The following FAM149B1 variants were observed in gnomAD, a reference collection of about 807,000 sequenced individuals.
The protein encoded by FAM149B1 is family with sequence similarity 149 member B1, also known as primary cilium assembly protein FAM149B1.
FAM149B1 carries 56 observed loss-of-function variants against 75.3 expected under a neutral mutation model. The observed-to-expected ratio is 0.74, with a 90% CI of 0.60 to 0.93. The LOEUF is 0.93. Ranked by LOEUF, FAM149B1 falls within the 40% of genes least tolerant of loss-of-function variation. The pLI is 0.00. For synonymous variants in FAM149B1, 259 were observed against 256.1 expected (o/e 1.01, Z -0.11); for missense variants, 639 against 708.4 (o/e 0.90, Z 1.11).
intron 3 of FAM149B1, among the ~76,000 whole-genome samples, chr10:73,185,628 A>G (rs1464693093): frequency 6.6e-6 from 1 of 152,226 alleles, no homozygotes; most frequent in African/African-American, 2.4e-5. Flanking sequence ...TTTAAATTCT[A>G]GTAAACTTTA....
chr10:73,178,968 G>GTT (rs1229898405), intron 3 of FAM149B1, among the ~76,000 whole-genome samples: 1 of 151,386 alleles, frequency 6.6e-6, no homozygotes, highest in South Asian at 2.1e-4. Flanking sequence ...TTTATTTCTT[G>GTT]TTTTTTGTTT....
At position 73,243,943 on chromosome 10, in the gene FAM149B1, TCA is replaced by T; in HGVS notation, c.*2927_*2928del. The T allele has an allele frequency of 6.2e-7, 1 of 1,611,708 alleles. No individual in the cohort carries two copies. Among genetic ancestry groups the T allele is most frequent in the African/African-American group, 1.3e-5 (1 of 74,912 alleles). Reference sequence around the variant, plus strand: ...CTCTTCCTGAGCCTGAAACAGGAACTCACATGAGACTCAGGGCCACCAGGAAA... The same window carrying T: ...CTCTTCCTGAGCCTGAAACAGGAACTCATGAGACTCAGGGCCACCAGGAAA... On this transcript the variant is annotated 3_prime_UTR_variant, in exon 14 of 14. Transcript: ENST00000242505.
At chr10:73,199,562 G>A (rs1254399548) in intron 5 of FAM149B1, among the ~76,000 whole-genome samples, 1 of 151,566 alleles carries the variant, frequency 6.6e-6, no homozygotes, top group East Asian at 1.9e-4. Context: ...TAGGAGACAG[G>A]GTCTCACTAT....
intron 3 of FAM149B1, among the ~76,000 whole-genome samples, chr10:73,186,309 A>G (rs2042520321): frequency 6.6e-6 from 1 of 152,224 alleles, no homozygotes; most frequent in Non-Finnish European, 1.5e-5. Flanking sequence ...AACACTCAAC[A>G]TACAAGAAAT....
rs1259897171 is a variant in FAM149B1 at position 73,193,490 on chromosome 10, C to T, written c.439C>T (p.Gln147Ter). The change falls in exon 5 of 14, where the codon CAG becomes TAG. Residue 147 changes from glutamine (Q) to a stop codon, truncating the protein, a stop_gained. Coordinates refer to ENST00000242505, the MANE Select transcript of FAM149B1 (RefSeq NM_173348.2). LOFTEE classifies it high-confidence loss of function. ...TTCATTTTGAAGGATTCTAGGTAGG[C>T]AGATAATCACTCCAAGTGAAGGTTA... is the stretch of plus-strand genomic sequence containing the variant. ...SFPHLRILGRQIITPSEGYRL... is the reference protein window; with the variant it reads ...SFPHLRILGR 3 of 1,548,878 alleles carry T rather than the reference C, an allele frequency of 1.9e-6. No homozygotes were observed. The highest frequency in any genetic ancestry group is 2.6e-6 in the Non-Finnish European group (3 of 1,146,346).
rs72642250 is a variant in FAM149B1, at chr10:73,239,319, C to T, written c.1610C>T (p.Thr537Ile). The T allele has an allele frequency of 1.3e-4, 195 of 1,551,520 alleles. 2 individuals carry two copies. The African/African-American group carries it at 2.5e-3, about 20-fold the overall frequency. ...PNTTQSFLLD[T>I]QYRRSCAVEY... is the part of the protein sequence containing the mutation. ...TCCTCTTTTGTCTTGTAGCTGGATA[C>T]ACAGTATCGTCGCTCATGTGCAGTT... Residue 537 changes from threonine (T) to isoleucine (I), a missense_variant, in exon 13 of 14, where the codon ACA becomes ATA. Thr to Ile is a moderately conservative substitution (Grantham distance 89, BLOSUM62 -1). Transcript: ENST00000242505.
At chr10:73,205,325 G>A (rs908137388) in intron 5 of FAM149B1, among the ~76,000 whole-genome samples, 3 of 146,030 alleles carry the variant, frequency 2.1e-5, no homozygotes, top group South Asian at 2.2e-4. Context: ...AGAAGTGTGC[G>A]GCACCTCTCC....
chr10:73,187,897 A>G (rs376244201), intron 3 of FAM149B1, among the ~76,000 whole-genome samples: 5 of 152,136 alleles, frequency 3.3e-5, no homozygotes, highest in African/African-American at 9.7e-5. Context: ...AGCCTGGCCA[A>G]CATGGTGAAA....
intron 6 of FAM149B1, 21 bp downstream of exon 6, chr10:73,208,807 G>T: frequency 1.4e-6 from 2 of 1,385,820 alleles, no homozygotes; most frequent in Non-Finnish European, 1.9e-6. Flanking sequence ...TGCCTTTTAA[G>T]CTTTTTACTC....
At chr10:73,194,966 G>T (rs189056620) in intron 5 of FAM149B1, among the ~76,000 whole-genome samples, 678 of 152,300 alleles carry the variant, frequency 4.5e-3, no homozygotes, top group Admixed American at 7.6e-3. Flanking sequence ...TTACAGGTGT[G>T]AGCCACCACG....
At chr10:73,210,700 A>G (rs2043167560) in intron 7 of FAM149B1, among the ~76,000 whole-genome samples, 1 of 152,010 alleles carries the variant, frequency 6.6e-6, no homozygotes, top group African/African-American at 2.4e-5. Context: ...GCATTCACCT[A>G]TAGTTCCAGC....
At chr10:73,222,492 A>G (rs1420081491) in intron 7 of FAM149B1, among the ~76,000 whole-genome samples, 2 of 152,086 alleles carry the variant, frequency 1.3e-5, no homozygotes, top group African/African-American at 2.4e-5. Context: ...TGAATGCTCA[A>G]ATGATGCCCC....
chr10:73,173,596 G>A (rs1463638643), intron 1 of FAM149B1, among the ~76,000 whole-genome samples: 5 of 152,004 alleles, frequency 3.3e-5, no homozygotes, highest in Admixed American at 3.3e-4. Context: ...AGGGGTTAGG[G>A]GTATTGACCC....
chr10:73,224,834 A>G (rs1564709608), intron 7 of FAM149B1, among the ~76,000 whole-genome samples: 1 of 152,176 alleles, frequency 6.6e-6, no homozygotes, highest in Non-Finnish European at 1.5e-5. Context: ...GGGGTGATAA[A>G]AAGTTATTGA....
At chr10:73,171,630 C>CT (rs11351703) in intron 1 of FAM149B1, among the ~76,000 whole-genome samples, 1,469 of 137,400 alleles carry the variant, frequency 0.011, 10 homozygotes, top group Non-Finnish European at 0.012. Context: ...CCTTTTCTTT[C>CT]TTTTTTTTTT....
intron 5 of FAM149B1, among the ~76,000 whole-genome samples, chr10:73,198,280 A>C (rs1388001947): frequency 6.6e-6 from 1 of 152,224 alleles, no homozygotes; most frequent in Non-Finnish European, 1.5e-5. Context: ...GTAAAGCTTC[A>C]GGCCATTGGA....
At chr10:73,209,483 G>T (rs557038314) in intron 6 of FAM149B1, among the ~76,000 whole-genome samples, 1 of 152,142 alleles carries the variant, frequency 6.6e-6, no homozygotes, top group South Asian at 2.1e-4. Context: ...AAAGAAAAAG[G>T]TATAAACAGT....
chr10:73,237,787 G>A (rs1160178796), intron 12 of FAM149B1, among the ~76,000 whole-genome samples: 2 of 151,824 alleles, frequency 1.3e-5, no homozygotes, highest in Non-Finnish European at 2.9e-5. Context: ...GTGTAGTGGT[G>A]CAATCAGCAC....
At position 73,168,534 on chromosome 10, in the gene FAM149B1, C is replaced by A. The variant is rs142623023; in HGVS notation, c.47+148C>A. On this transcript the variant is annotated intron_variant, in intron 1 of 13. Coordinates refer to ENST00000242505, the MANE Select transcript of FAM149B1 (RefSeq NM_173348.2). ...CTCCTCTCAGCCCTGCTGGACCCTG[C>A]CCCTTCTTCCTCCATCTCCAGCTGA... is the stretch of plus-strand genomic sequence containing the variant. The A allele has an allele frequency of 5.4e-3, 5,095 of 944,488 alleles. 23 individuals carry two copies. The highest frequency in any genetic ancestry group is 6.8e-3 in the Non-Finnish European group (4,423 of 651,262). The allele number at this position is 944,488 out of a possible 1,614,324, so 58.5% of individuals were successfully genotyped here.
Sources: gnomAD v4.1 joint callset for allele counts (sites outside exome capture counted in the v4.1 genomes callset) on GRCh38, gnomAD v4.1.1 for gene constraint, MANE v1.5 for transcripts, NCBI Gene and HGNC (gene_info 2026-07-23, HGNC 2026-07-21) for gene names.